The following CXorf38 variants were observed in gnomAD, a reference collection of about 807,000 sequenced individuals.
The protein encoded by CXorf38 is chromosome X open reading frame 38.
A neutral mutation model predicts 27.5 loss-of-function variants in CXorf38; 13 were observed. The observed-to-expected ratio is 0.47, with a 90% CI of 0.31 to 0.75. The LOEUF is 0.75. Among genes scored for constraint, CXorf38 ranks in the 30% least tolerant of loss-of-function variants. The pLI is 0.05. For synonymous variants in CXorf38, 100 were observed against 99.8 expected (o/e 1.00, Z -0.01); for missense variants, 240 against 253.2 (o/e 0.95, Z 0.35).
intron 5 of CXorf38, among the ~76,000 whole-genome samples, chrX:40,636,146 C>T (rs751046955): frequency 8.9e-6 from 1 of 112,590 alleles, no homozygotes; most frequent in East Asian, 2.8e-4. Flanking sequence ...CAAGAAGAAT[C>T]TTTTTCTCTT....
intron 2 of CXorf38, among the ~76,000 whole-genome samples, chrX:40,641,312 GT>G (rs1221626999): frequency 8.9e-6 from 1 of 112,147 alleles, no homozygotes; most frequent in Admixed American, 9.4e-5. Flanking sequence ...AGGTGCAGTA[GT>G]TTTCTTTTCC....
At position 40,637,014 on chromosome X, in the gene CXorf38, A is replaced by G; in HGVS notation, c.614T>C (p.Ile205Thr). Residue 205 changes from isoleucine to threonine, a missense_variant, in exon 4 of 7, where the codon ATA becomes ACA. Ile to Thr is a moderately conservative substitution (Grantham distance 89, BLOSUM62 -1). Transcript: ENST00000327877. ...IPEIVAVYSRIEQLLTSDWAV... is the reference protein window; with the variant it reads ...IPEIVAVYSRTEQLLTSDWAV... ...ATTAAACATGATTTTTACCTGTTCT[A>G]TTCTGGAGTATACTGCCACAATCTC... The G allele has an allele frequency of 8.3e-7, 1 of 1,198,494 alleles. No individual in the cohort carries two copies. Among genetic ancestry groups the G allele is most frequent in the Non-Finnish European group, 1.1e-6 (1 of 888,799 alleles).
intron 5 of CXorf38, among the ~76,000 whole-genome samples, chrX:40,633,012 G>A (rs1462261511): frequency 9.0e-6 from 1 of 111,664 alleles, no homozygotes; most frequent in East Asian, 2.8e-4. Flanking sequence ...AGTCACCTAA[G>A]CCAAAACTCT....
chrX:40,644,469 T>C (rs1037147198), intron 2 of CXorf38, among the ~76,000 whole-genome samples: 2 of 112,170 alleles, frequency 1.8e-5, no homozygotes, highest in African/African-American at 3.2e-5. Flanking sequence ...TCCGCATTCA[T>C]AGAATCAACC....
intron 2 of CXorf38, chrX:40,640,169 TAA>T: frequency 2.8e-5 from 7 of 253,840 alleles, no homozygotes; most frequent in East Asian, 1.3e-4. Flanking sequence ...CCATCTCTAT[TAA>T]AAAAAAAAAT....
At chrX:40,636,877 G>T in intron 4 of CXorf38, 130 bp downstream of exon 4, 1 of 809,681 alleles carries the variant, frequency 1.2e-6, no homozygotes, top group Non-Finnish European at 1.7e-6. Flanking sequence ...ATTTCATATT[G>T]GCATTCTTTC....
rs911049677 is a variant in CXorf38 at position 40,645,690 on chromosome X, C to T, written c.351+1317G>A. On this transcript the variant is annotated intron_variant, in intron 2 of 6. Coordinates refer to ENST00000327877, the MANE Select transcript of CXorf38 (RefSeq NM_144970.3). ...GGAATGCAGTGGTGTGATCACGGCT[C>T]ACTGCAGCCTCGACTTCCCAGGCTC... Among the ~76,000 whole-genome samples, 19 of 110,955 alleles carry T rather than the reference C, an allele frequency of 1.7e-4. No homozygotes were observed. In the East Asian group the frequency reaches 5.4e-3, roughly 32 times the overall value.
chrX:40,631,469 G>A (rs970919807), intron 5 of CXorf38, among the ~76,000 whole-genome samples: 10 of 110,125 alleles, frequency 9.1e-5, no homozygotes, highest in African/African-American at 3.0e-4. Flanking sequence ...CACCACGCCC[G>A]GCTAATTTTT....
chrX:40,643,335 T>C (rs1318953830), intron 2 of CXorf38, among the ~76,000 whole-genome samples: 1 of 111,899 alleles, frequency 8.9e-6, no homozygotes, highest in East Asian at 2.8e-4. Context: ...GTTTCCAGCA[T>C]ATTTAAAGAG....
intron 2 of CXorf38, among the ~76,000 whole-genome samples, chrX:40,645,103 G>A (rs1002699618): frequency 3.6e-5 from 4 of 112,090 alleles, no homozygotes; most frequent in African/African-American, 1.3e-4. Flanking sequence ...AGGACAGAGG[G>A]TGCTGGGTAT....
In CXorf38 at chrX:40,647,522, T is replaced by C. The variant is rs764837886; in HGVS notation, c.-2A>G. Reference sequence around the variant, plus strand: ...CGCCGCTAGCTCCGACAGCACCATGTCTCCCACTTGGAACCAGGAGGTTGC... The same window carrying C: ...CGCCGCTAGCTCCGACAGCACCATGCCTCCCACTTGGAACCAGGAGGTTGC... On this transcript the variant is annotated 5_prime_UTR_variant, in exon 1 of 7. Coordinates refer to ENST00000327877, the MANE Select transcript of CXorf38 (RefSeq NM_144970.3). The C allele has an allele frequency of 3.4e-6, 4 of 1,181,530 alleles. No individual in the cohort carries two copies. Among genetic ancestry groups the C allele is most frequent in the East Asian group, 6.6e-5 (2 of 30,218 alleles).
In CXorf38 at chrX:40,627,047, C is replaced by T. The variant is rs1230074909; in HGVS notation, c.*3117G>A. On this transcript the variant is annotated 3_prime_UTR_variant, in exon 7 of 7. Transcript: ENST00000327877. Reference sequence around the variant, plus strand: ...ATATAAAATAGAAAAGCCGAATATTCCTTCTAACTCTCCCCTCTACCTCAA... The same window carrying T: ...ATATAAAATAGAAAAGCCGAATATTTCTTCTAACTCTCCCCTCTACCTCAA... 2 of 111,623 alleles carry T rather than the reference C, an allele frequency of 1.8e-5. No homozygotes were observed. The highest frequency in any genetic ancestry group is 3.8e-5 in the Non-Finnish European group (2 of 53,094). 9.2% of individuals were successfully genotyped at this position (111,623 alleles called of 1,213,427 possible). A position where few individuals can be genotyped will look rare whatever the true frequency, so the allele number is the denominator to read the frequency against.
intron 5 of CXorf38, among the ~76,000 whole-genome samples, chrX:40,631,256 C>T (rs1022075216): frequency 4.0e-3 from 27 of 6,781 alleles, no homozygotes; most frequent in African/African-American, 5.7e-3. Context: ...TATATATATA[C>T]ACACACACAC....
At chrX:40,635,935 G>A (rs1252377783) in intron 5 of CXorf38, among the ~76,000 whole-genome samples, 2 of 112,295 alleles carry the variant, frequency 1.8e-5, no homozygotes, top group African/African-American at 6.5e-5. Flanking sequence ...CTTTCTAAAA[G>A]CTATATCTGA....
chrX:40,637,199 T>C (rs1419319193), intron 3 of CXorf38, 43 bp from the exon 4 acceptor site: 18 of 957,606 alleles, frequency 1.9e-5, no homozygotes, highest in East Asian at 6.7e-5. Context: ...AATCAAACAA[T>C]GGGGTAAACT....
In CXorf38 at chrX:40,629,666, A is replaced by C. The variant is rs1249516040; in HGVS notation, c.*498T>G. 8.9e-6 allele frequency: 1 copy of C among 112,440 alleles called. No homozygotes were observed. Among genetic ancestry groups the C allele is most frequent in the Admixed American group, 9.4e-5 (1 of 10,643 alleles). The allele number at this position is 112,440 out of a possible 1,213,427, so 9.3% of individuals were successfully genotyped here. A position where few individuals can be genotyped will look rare whatever the true frequency, so the allele number is the denominator to read the frequency against. On this transcript the variant is annotated 3_prime_UTR_variant, in exon 7 of 7. Transcript: ENST00000327877. Reference sequence around the variant, plus strand: ...CTCGCTCTATTGCCCAGGCTGGAGTACAGTGGCATGGTCTCAGCTCACTGC... The same window carrying C: ...CTCGCTCTATTGCCCAGGCTGGAGTCCAGTGGCATGGTCTCAGCTCACTGC...
At chrX:40,636,419 TAA>T in intron 5 of CXorf38, 112 bp downstream of exon 5, 1 of 483,775 alleles carries the variant, frequency 2.1e-6, no homozygotes, top group Non-Finnish European at 3.4e-6. Context: ...GGAAATTATT[TAA>T]CTTATAAATC....
chrX:40,631,205 GTACA>G (rs1213257156), intron 5 of CXorf38, among the ~76,000 whole-genome samples: 1 of 97,997 alleles, frequency 1.0e-5, no homozygotes, highest in African/African-American at 3.6e-5. Flanking sequence ...ATATACGTGT[GTACA>G]TATATATATA....
chrX:40,640,318 A>G, intron 2 of CXorf38: 1 of 253,088 alleles, frequency 4.0e-6, no homozygotes, highest in Non-Finnish European at 7.4e-6. Flanking sequence ...ACAGATCAAG[A>G]CCCTGTTTCA....
Sources: allele counts gnomAD v4.1 joint callset (sites outside exome capture counted in the v4.1 genomes callset), GRCh38; gene constraint gnomAD v4.1.1; transcripts MANE v1.5; gene names NCBI Gene and HGNC (gene_info 2026-07-23, HGNC 2026-07-21).